Variants in TUSC3 observed in about 807,000 individuals in gnomAD.
TUSC3 encodes the protein dolichyl-diphosphooligosaccharide--protein glycosyltransferase subunit TUSC3.
A neutral mutation model predicts 44.8 loss-of-function variants in TUSC3; 45 were observed. That is an observed-to-expected ratio of 1.00 (90% confidence interval 0.79 to 1.29). The LOEUF (loss-of-function observed/expected upper bound fraction) is 1.29. TUSC3 is among the 50% of genes most tolerant of loss of function. The pLI is 0.00. For synonymous variants in TUSC3, 212 were observed against 152.9 expected, an observed-to-expected ratio of 1.39 and a Z score of -2.85; for missense variants, 519 against 437.9, an observed-to-expected ratio of 1.19 and a Z score of -1.65.
At chr8:15,716,815 CT>C (rs1810078713) in intron 6 of TUSC3, among the ~76,000 whole-genome samples, 1 of 152,000 alleles carries the variant, frequency 6.6e-6, no homozygotes. Context: ...TAAATCATCA[CT>C]TTTTCTCTAC....
chr8:15,837,238 G>C, the TUSC3 span, among the ~76,000 whole-genome samples: 2 of 151,786 alleles, frequency 1.3e-5, no homozygotes, highest in Non-Finnish European at 2.9e-5. Context: ...AAAAAATCAC[G>C]TAACTTATTA....
chr8:15,676,935 G>C (rs354511), intron 6 of TUSC3, among the ~76,000 whole-genome samples: 49,003 of 152,052 alleles, frequency 0.32, 8,258 homozygotes, highest in African/African-American at 0.43. Flanking sequence ...TAGGATCATG[G>C]TGACCTACAT....
intron 1 of TUSC3, among the ~76,000 whole-genome samples, chr8:15,442,728 A>G (rs562490825): frequency 6.6e-6 from 1 of 152,248 alleles, no homozygotes; most frequent in East Asian, 1.9e-4. Flanking sequence ...TCCTGATGAA[A>G]GAATATAGGA....
At chr8:15,773,599 A>G in the TUSC3 span, among the ~76,000 whole-genome samples, 115,640 of 152,046 alleles carry the variant, frequency 0.76, 44,193 homozygotes, top group African/African-American at 0.8. Context: ...GATTCATATG[A>G]AAATGCATGG....
chr8:15,637,208 A>C (rs7465124), intron 2 of TUSC3, among the ~76,000 whole-genome samples: 152,155 of 152,266 alleles, frequency 1, 76,022 homozygotes, highest in Middle Eastern at 1. Flanking sequence ...TATGTTTAAT[A>C]TTTTAAAATC....
At chr8:15,691,789 T>C (rs946403395) in intron 6 of TUSC3, among the ~76,000 whole-genome samples, 6 of 59,828 alleles carry the variant, frequency 1.0e-4, no homozygotes, top group African/African-American at 3.3e-4. Flanking sequence ...TTTTGTTTGG[T>C]TTTTGTTTTG....
At chr8:15,651,014 C>T in intron 3 of TUSC3, 200 bp downstream of exon 3, 19 of 428,374 alleles carry the variant, frequency 4.4e-5, no homozygotes, top group South Asian at 1.4e-4. Context: ...CACACACACA[C>T]ACACACACAA....
At chr8:15,603,021 A>T (rs554187810) in intron 1 of TUSC3, among the ~76,000 whole-genome samples, 2 of 151,588 alleles carry the variant, frequency 1.3e-5, no homozygotes, top group African/African-American at 4.8e-5. Flanking sequence ...AATGGATTCA[A>T]TTGGACCACA....
chr8:15,609,399 C>T (rs1038953908), intron 1 of TUSC3, among the ~76,000 whole-genome samples: 2 of 152,128 alleles, frequency 1.3e-5, no homozygotes, highest in Non-Finnish European at 2.9e-5. Flanking sequence ...AGAGGCAGGC[C>T]AGATGGCTGT....
At chr8:15,607,407 T>G (rs1212097429) in intron 1 of TUSC3, among the ~76,000 whole-genome samples, 1 of 152,186 alleles carries the variant, frequency 6.6e-6, no homozygotes, top group South Asian at 2.1e-4. Context: ...AATACATTTG[T>G]AAAGTGTGTG....
intron 1 of TUSC3, among the ~76,000 whole-genome samples, chr8:15,445,783 G>A (rs9650387): frequency 0.51 from 77,343 of 152,084 alleles, 23,227 homozygotes; most frequent in East Asian, 0.69. Flanking sequence ...TTTTCTATTC[G>A]ACAAAACCAC....
chr8:15,572,519 A>T (rs1159154772), intron 1 of TUSC3, among the ~76,000 whole-genome samples: 2 of 152,174 alleles, frequency 1.3e-5, no homozygotes, highest in African/African-American at 2.4e-5. Context: ...TGATGTGTTC[A>T]CTGGAGTAGC....
intron 10 of TUSC3, among the ~76,000 whole-genome samples, chr8:15,763,555 G>A (rs1046263903): frequency 2.0e-5 from 3 of 151,912 alleles, no homozygotes; most frequent in African/African-American, 7.3e-5. Context: ...GAAAGGTACA[G>A]ATGTAAACAA....
rs1316454761 is a variant in TUSC3, at chr8:15,766,245, T to C, written c.*2089T>C. On this transcript the variant is annotated 3_prime_UTR_variant, in exon 11 of 11. Transcript: ENST00000503731. Reference sequence around the variant, plus strand: ...AGGGAAGTGATTCTAGAGCAAAATATACTGCCTCAACATAAGTCGTTACTG... The same window carrying C: ...AGGGAAGTGATTCTAGAGCAAAATACACTGCCTCAACATAAGTCGTTACTG... The C allele has an allele frequency of 6.6e-6, 1 of 152,084 alleles. No individual in the cohort carries two copies. Among genetic ancestry groups the C allele is most frequent in the Non-Finnish European group, 1.5e-5 (1 of 67,968 alleles). 9.4% of individuals were successfully genotyped at this position (152,084 alleles called of 1,614,324 possible).
intron 1 of TUSC3, among the ~76,000 whole-genome samples, chr8:15,586,018 G>A (rs116240984): frequency 0.021 from 3,130 of 152,258 alleles, 93 homozygotes; most frequent in African/African-American, 0.07. Context: ...GAAGGTTGAG[G>A]AGTAGTCAGG....
At chr8:15,724,882 C>A (rs532934780) in intron 6 of TUSC3, among the ~76,000 whole-genome samples, 1 of 152,146 alleles carries the variant, frequency 6.6e-6, no homozygotes, top group African/African-American at 2.4e-5. Context: ...AGATAATCAC[C>A]CATGTTTCCT....
chr8:15,723,359 C>T (rs1203100750), intron 6 of TUSC3, among the ~76,000 whole-genome samples: 2 of 152,126 alleles, frequency 1.3e-5, no homozygotes, highest in Non-Finnish European at 1.5e-5. Flanking sequence ...CAAGATTTGT[C>T]ACTGTTTTCA....
chr8:15,697,007 G>C (rs1412360524), intron 6 of TUSC3, among the ~76,000 whole-genome samples: 5 of 152,024 alleles, frequency 3.3e-5, no homozygotes, highest in African/African-American at 1.2e-4. Flanking sequence ...AAATAAGCTA[G>C]GAGGGTTGCA....
chr8:15,796,937 C>T, the TUSC3 span, among the ~76,000 whole-genome samples: 1 of 152,250 alleles, frequency 6.6e-6, no homozygotes, highest in Admixed American at 6.5e-5. Context: ...ATGTCAGAAG[C>T]TGCTTTATAA....
Sources: allele counts gnomAD v4.1 joint callset (sites outside exome capture counted in the v4.1 genomes callset), GRCh38; gene constraint gnomAD v4.1.1; transcripts MANE v1.5; gene names NCBI Gene and HGNC (gene_info 2026-07-23, HGNC 2026-07-21).